RIMS1: variants seen among roughly 807,000 people sequenced by gnomAD.
The protein encoded by RIMS1 is regulating synaptic membrane exocytosis protein 1.
Under a neutral mutation model 214.1 loss-of-function variants are expected in RIMS1, and 83 were observed. That is an observed-to-expected ratio of 0.39 (90% CI 0.32 to 0.47). The LOEUF is 0.47. Ranked by LOEUF, RIMS1 falls within the 20% of genes least tolerant of loss-of-function variation. The probability of loss-of-function intolerance (pLI) is 0.99; values close to 1 mark genes in which losing one functional copy is unlikely to be tolerated. For missense variants in RIMS1, 2,050 were observed against 2,161.8 expected, an observed-to-expected ratio of 0.95 and a Z score of 1.03; for synonymous variants, 793 against 786.8, an observed-to-expected ratio of 1.01 and a Z score of -0.13.
At chr6:72,076,586 G>C (rs1470055321) in intron 2 of RIMS1, among the ~76,000 whole-genome samples, 20 of 152,246 alleles carry the variant, frequency 1.3e-4, no homozygotes, top group Non-Finnish European at 8.8e-5. Flanking sequence ...TTTAACATTT[G>C]AATATTCAGT....
chr6:72,164,089 G>A (rs998667154), intron 4 of RIMS1, among the ~76,000 whole-genome samples: 2 of 152,160 alleles, frequency 1.3e-5, no homozygotes, highest in African/African-American at 4.8e-5. Context: ...CCTTGGCAAT[G>A]GTGGGCGCCC....
chr6:72,086,371 A>G (rs1352855181), intron 2 of RIMS1, among the ~76,000 whole-genome samples: 1 of 152,174 alleles, frequency 6.6e-6, no homozygotes, highest in Admixed American at 6.5e-5. Flanking sequence ...ATTTTTAATG[A>G]CACTTGGTAA....
At chr6:72,383,277 C>G (rs1301470757) in intron 29 of RIMS1, among the ~76,000 whole-genome samples, 1 of 152,124 alleles carries the variant, frequency 6.6e-6, no homozygotes, top group African/African-American at 2.4e-5. Flanking sequence ...TTGTCTATGT[C>G]TCCTTCTAGA....
chr6:72,022,684 AT>A (rs1815097221), intron 2 of RIMS1, among the ~76,000 whole-genome samples: 1 of 152,142 alleles, frequency 6.6e-6, no homozygotes, highest in Admixed American at 6.6e-5. Flanking sequence ...TTGGTTTGAG[AT>A]TTTTGGATAG....
chr6:72,290,827 G>A lies in RIMS1; in HGVS notation c.3703G>A (p.Gly1235Arg), dbSNP rs200637817. The A allele has an allele frequency of 6.2e-4, 1,000 of 1,613,054 alleles. 1 individual carries two copies. Among genetic ancestry groups the A allele is most frequent in the Non-Finnish European group, 8.2e-4 (968 of 1,179,708 alleles). Residue 1235 changes from glycine (G) to arginine (R), a missense_variant, in exon 25 of 34, where the codon GGA becomes AGA. This residue lies in a region of RIMS1 where 889 missense variants were observed against 885.5 expected (regional missense o/e 1.00). Transcript: ENST00000521978. ...GTGTTCTATGCACCACCTTGTCCCT[G>A]GAGGGTCGGCGCCACCTTCTCCGCT... ...TLCSMHHLVP[G>R]GSAPPSPLLT...
At chr6:72,323,752 G>GA (rs1161220381) in intron 28 of RIMS1, among the ~76,000 whole-genome samples, 1 of 151,504 alleles carries the variant, frequency 6.6e-6, no homozygotes, top group Non-Finnish European at 1.5e-5. Context: ...ATGTAAGAGA[G>GA]AAAAAAATCA....
At chr6:72,177,521 G>A (rs543212078) in intron 4 of RIMS1, among the ~76,000 whole-genome samples, 116 of 152,070 alleles carry the variant, frequency 7.6e-4, no homozygotes, top group African/African-American at 2.5e-3. Flanking sequence ...CAAAGTGCTG[G>A]GATTACAGGT....
chr6:72,090,322 G>T (rs1835880358), intron 2 of RIMS1, among the ~76,000 whole-genome samples: 1 of 152,092 alleles, frequency 6.6e-6, no homozygotes, highest in African/African-American at 2.4e-5. Context: ...GTGGAACTTT[G>T]AGTAGTTAGC....
At chr6:72,031,765 A>G (rs772605663) in intron 2 of RIMS1, among the ~76,000 whole-genome samples, 15 of 152,092 alleles carry the variant, frequency 9.9e-5, no homozygotes, top group Non-Finnish European at 1.9e-4. Flanking sequence ...ATTTATTTCT[A>G]TTTAGTTCTT....
chr6:72,130,482 G>A (rs1457136768), intron 4 of RIMS1, among the ~76,000 whole-genome samples: 1 of 152,026 alleles, frequency 6.6e-6, no homozygotes, highest in Non-Finnish European at 1.5e-5. Flanking sequence ...ATCAAGATAG[G>A]AACCGATTAT....
chr6:72,061,651 A>G (rs1241101572), intron 2 of RIMS1, among the ~76,000 whole-genome samples: 1 of 152,052 alleles, frequency 6.6e-6, no homozygotes, highest in Non-Finnish European at 1.5e-5. Context: ...TTGTTCCCGG[A>G]CCCTCCTCTA....
At chr6:72,357,108 T>A (rs1281732846) in intron 29 of RIMS1, among the ~76,000 whole-genome samples, 2 of 152,198 alleles carry the variant, frequency 1.3e-5, no homozygotes, top group Non-Finnish European at 2.9e-5. Context: ...TCTAAGCTAT[T>A]CAGTAATTTG....
chr6:72,216,278 T>C (rs2055976916), intron 6 of RIMS1, among the ~76,000 whole-genome samples: 1 of 152,178 alleles, frequency 6.6e-6, no homozygotes, highest in Non-Finnish European at 1.5e-5. Context: ...AAAAATCTAT[T>C]GTATTATGAA....
intron 1 of RIMS1, among the ~76,000 whole-genome samples, chr6:71,891,252 T>G (rs1363683426): frequency 1.3e-5 from 2 of 152,250 alleles, no homozygotes; most frequent in Non-Finnish European, 2.9e-5. Context: ...CCACTTACTG[T>G]GCAAACATGG....
intron 4 of RIMS1, among the ~76,000 whole-genome samples, chr6:72,109,193 C>T (rs1587173413): frequency 6.6e-6 from 1 of 152,098 alleles, no homozygotes; most frequent in East Asian, 1.9e-4. Flanking sequence ...CAGAATGATT[C>T]ATAGTCTTTT....
intron 2 of RIMS1, among the ~76,000 whole-genome samples, chr6:72,047,221 G>T (rs887320931): frequency 6.6e-6 from 1 of 152,096 alleles, no homozygotes; most frequent in East Asian, 1.9e-4. Context: ...TTGCAGTTTT[G>T]AGATTCTTTG....
intron 29 of RIMS1, among the ~76,000 whole-genome samples, chr6:72,356,576 T>TAGTA (rs759975715): frequency 3.3e-5 from 5 of 150,672 alleles, no homozygotes; most frequent in South Asian, 4.2e-4. Flanking sequence ...CTGGCTAACA[T>TAGTA]GATGAAACCC....
chr6:71,950,105 C>CA (rs1194637731), intron 1 of RIMS1, among the ~76,000 whole-genome samples: 6 of 152,088 alleles, frequency 3.9e-5, no homozygotes, highest in South Asian at 4.1e-4. Context: ...AGAAGTCAGA[C>CA]AAAAAACTAC....
intron 6 of RIMS1, chr6:72,216,853 C>T: frequency 2.0e-6 from 2 of 1,019,002 alleles, no homozygotes; most frequent in Non-Finnish European, 2.3e-6. Context: ...AATTGAGGAG[C>T]TAAAAGAGCT....
Sources: allele counts gnomAD v4.1 joint callset (sites outside exome capture counted in the v4.1 genomes callset), GRCh38; gene constraint gnomAD v4.1.1; regional missense constraint gnomAD v4.1.1; transcripts MANE v1.5; gene names NCBI Gene and HGNC (gene_info 2026-07-23, HGNC 2026-07-21).